Variants in RNF170 observed in about 807,000 individuals in gnomAD.
RNF170 encodes the protein ring finger protein 170, also known as E3 ubiquitin-protein ligase RNF170.
A neutral mutation model predicts 32.7 loss-of-function variants in RNF170; 12 were observed. That is an observed-to-expected ratio of 0.37 (90% confidence interval 0.24 to 0.60). RNF170 has a LOEUF of 0.60. Ranked by LOEUF, RNF170 falls within the 20% of genes least tolerant of loss-of-function variation. The pLI is 0.72. For synonymous variants in RNF170, 91 were observed against 103.6 expected (o/e 0.88, Z 0.74); for missense variants, 212 against 311.2 (o/e 0.68, Z 2.40).
intron 4 of RNF170, among the ~76,000 whole-genome samples, chr8:42,868,756 G>A (rs1468940493): frequency 6.6e-6 from 1 of 151,624 alleles, no homozygotes; most frequent in Non-Finnish European, 1.5e-5. Flanking sequence ...GGAGACTGAG[G>A]CAGGAGAATC....
At chr8:42,896,452 G>C (rs773872009) in intron 1 of RNF170, 32 bp downstream of exon 1, 1 of 453,756 alleles carries the variant, frequency 2.2e-6, no homozygotes, top group Admixed American at 2.3e-5. Flanking sequence ...GGCCCCGATA[G>C]GGTGGGCGTG....
intron 2 of RNF170, among the ~76,000 whole-genome samples, chr8:42,876,954 CT>C (rs761345107): frequency 2.8e-3 from 353 of 124,792 alleles, no homozygotes; most frequent in South Asian, 3.6e-3. Flanking sequence ...TGTGCCCGGA[CT>C]TTTTTTTTTT....
At chr8:42,888,756 C>A (rs1806047601) in intron 1 of RNF170, among the ~76,000 whole-genome samples, 1 of 136,550 alleles carries the variant, frequency 7.3e-6, no homozygotes, top group Non-Finnish European at 1.6e-5. Context: ...AAGACCCTGT[C>A]CCCCGCCCCC....
rs931903836 is a variant in RNF170 at position 42,853,498 on chromosome 8, C to A, written c.*2661G>T. ...AATTGTAGTAGTTGAAACCACTGTT[C>A]TAGTGGGCAGTTAGAACAGTTGTTT... On this transcript the variant is annotated 3_prime_UTR_variant, in exon 7 of 7. Coordinates refer to ENST00000527424, the MANE Select transcript of RNF170 (RefSeq NM_030954.4). 1 of 1,287,090 alleles carries A rather than the reference C, an allele frequency of 7.8e-7. No individual in the cohort carries two copies. The highest frequency in any genetic ancestry group is 1.5e-5 in the African/African-American group (1 of 65,888). The allele number at this position is 1,287,090 out of a possible 1,614,324, so 79.7% of individuals were successfully genotyped here. A position where few individuals can be genotyped will look rare whatever the true frequency, so the allele number is the denominator to read the frequency against.
intron 6 of RNF170, among the ~76,000 whole-genome samples, chr8:42,860,822 A>G (rs1803599637): frequency 6.6e-6 from 1 of 152,014 alleles, no homozygotes; most frequent in Non-Finnish European, 1.5e-5. Flanking sequence ...GGTACAAGTG[A>G]TTCTCCAGCC....
chr8:42,854,823 C>T lies in RNF170; in HGVS notation c.*1336G>A, dbSNP rs977758641. 1.6e-6 allele frequency: 2 copies of T among 1,287,152 alleles called. No individual in the cohort carries two copies. Among genetic ancestry groups the T allele is most frequent in the African/African-American group, 1.5e-5 (1 of 65,778 alleles). The allele number at this position is 1,287,152 out of a possible 1,614,324, so 79.7% of individuals were successfully genotyped here. ...CAACGCCAGCTGAAGTGAGTAAGAT[C>T]TCCCAGTACCATGTGGTACTGAGTC... On this transcript the variant is annotated 3_prime_UTR_variant, in exon 7 of 7. Transcript: ENST00000527424.
At chr8:42,862,306 A>C (rs184620177) in intron 5 of RNF170, among the ~76,000 whole-genome samples, 1,535 of 152,332 alleles carry the variant, frequency 0.01, 18 homozygotes, top group Middle Eastern at 0.034. Flanking sequence ...TACCAACCAT[A>C]ATATAAAGAT....
chr8:42,865,630 C>A, intron 4 of RNF170, 141 bp from the exon 5 acceptor site: 1 of 720,204 alleles, frequency 1.4e-6, no homozygotes, highest in Non-Finnish European at 2.5e-6. Flanking sequence ...ATCCAGCCAA[C>A]CCTTCAGGCA....
At chr8:42,897,252 C>G, upstream of RNF170, 1 of 1,129,304 alleles carries the variant, frequency 8.9e-7, no homozygotes, top group Non-Finnish European at 1.1e-6. Flanking sequence ...GGACCCTCCA[C>G]GCGCGGCCCG....
chr8:42,867,247 G>A (rs1804151672), intron 4 of RNF170, among the ~76,000 whole-genome samples: 1 of 152,034 alleles, frequency 6.6e-6, no homozygotes, highest in Non-Finnish European at 1.5e-5. Flanking sequence ...TGAGGCAGGC[G>A]GATCACCTGA....
intron 5 of RNF170, among the ~76,000 whole-genome samples, chr8:42,864,002 T>C (rs997739026): frequency 2.7e-4 from 41 of 150,200 alleles, no homozygotes; most frequent in Non-Finnish European, 4.3e-4. Flanking sequence ...TGTGTGTGTG[T>C]GTGTGTGTGT....
chr8:42,868,571 T>C (rs1804288962), intron 4 of RNF170, among the ~76,000 whole-genome samples: 2 of 152,122 alleles, frequency 1.3e-5, no homozygotes. Context: ...TGGCTCTGTC[T>C]GGGCTGGGTG....
At chr8:42,894,310 A>C (rs890449094) in intron 1 of RNF170, among the ~76,000 whole-genome samples, 1 of 152,242 alleles carries the variant, frequency 6.6e-6, no homozygotes, top group African/African-American at 2.4e-5. Flanking sequence ...AAGGGTGCTC[A>C]GGACGGCACA....
At chr8:42,880,000 A>G (rs779318998) in intron 2 of RNF170, among the ~76,000 whole-genome samples, 17 of 152,210 alleles carry the variant, frequency 1.1e-4, no homozygotes, top group Admixed American at 3.3e-4. Flanking sequence ...TCATGGGAGG[A>G]GATCAAAATA....
chr8:42,889,526 A>T (rs888776791), intron 1 of RNF170: 2 of 152,188 alleles, frequency 1.3e-5, no homozygotes, highest in African/African-American at 2.4e-5. Context: ...CAATATCATC[A>T]CTAATCAGGT....
At chr8:42,878,999 C>T (rs975320106) in intron 2 of RNF170, among the ~76,000 whole-genome samples, 1 of 152,164 alleles carries the variant, frequency 6.6e-6, no homozygotes, top group African/African-American at 2.4e-5. Flanking sequence ...ACTATTTAAA[C>T]CCACTTGAGA....
chr8:42,871,078 C>T (rs540117763), intron 3 of RNF170, among the ~76,000 whole-genome samples: 10 of 152,020 alleles, frequency 6.6e-5, no homozygotes, highest in African/African-American at 2.4e-4. Flanking sequence ...GGCATGGTGG[C>T]GCACACCTGT....
chr8:42,894,566 T>G (rs1806590908), intron 1 of RNF170, among the ~76,000 whole-genome samples: 1 of 152,034 alleles, frequency 6.6e-6, no homozygotes, highest in African/African-American at 2.4e-5. Flanking sequence ...CACACATGTG[T>G]AATTTTTTTT....
intron 1 of RNF170, among the ~76,000 whole-genome samples, chr8:42,893,404 T>A (rs1434377577): frequency 1.3e-5 from 2 of 152,258 alleles, no homozygotes; most frequent in Non-Finnish European, 2.9e-5. Context: ...ATTGCTCAGC[T>A]GGCTACATCT....
Sources: allele counts gnomAD v4.1 joint callset (sites outside exome capture counted in the v4.1 genomes callset), GRCh38; gene constraint gnomAD v4.1.1; transcripts MANE v1.5; gene names NCBI Gene and HGNC (gene_info 2026-07-23, HGNC 2026-07-21).